Variants in BTBD9 observed in about 807,000 individuals in gnomAD.
BTBD9 encodes the protein BTB domain containing 9.
A neutral mutation model predicts 64.3 loss-of-function variants in BTBD9; 49 were observed. The observed-to-expected ratio is 0.76, with a 90% CI of 0.61 to 0.97. The LOEUF is 0.97. Among genes scored for constraint, BTBD9 ranks in the 50% least tolerant of loss-of-function variants. The pLI, the probability that BTBD9 is intolerant of heterozygous loss-of-function variation, is 0.00. For missense variants in BTBD9, 598 were observed against 762.1 expected, an observed-to-expected ratio of 0.78 and a Z score of 2.53; for synonymous variants, 260 against 274.7, an observed-to-expected ratio of 0.95 and a Z score of 0.53.
Position 38,291,658 on chromosome 6 carries a change from AT to A in BTBD9, c.1265-3198del, listed in dbSNP as rs530544576. On this transcript the variant is annotated intron_variant, in intron 7 of 10. Transcript: ENST00000481247. ...CATAAATAGCTCTTATTATTTTGAG[AT>A]ACGTTCCATCAATACCTAGTTTACT... is the stretch of plus-strand genomic sequence containing the variant. Among the ~76,000 whole-genome samples the A allele has an allele frequency of 1.8e-3, 276 of 152,286 alleles. 4 individuals are homozygous for A. The highest frequency in any genetic ancestry group is 0.017 in the Admixed American group (253 of 15,286).
chr6:38,212,300 GA>G (rs753309462), intron 9 of BTBD9, among the ~76,000 whole-genome samples: 3 of 152,190 alleles, frequency 2.0e-5, no homozygotes, highest in Non-Finnish European at 4.4e-5. Flanking sequence ...GGTCTGTGCT[GA>G]GGGGCCTGCC....
Position 38,606,198 on chromosome 6 carries a change from G to A in BTBD9, c.-27-8077C>T, listed in dbSNP as rs144939159. On this transcript the variant is annotated intron_variant, in intron 1 of 10. Transcript: ENST00000481247. ...CCCTACTTTTGAAGTTTTCAGACTC[G>A]GACTGGCTTCCTTGCTCCTCAGCTT... 2.7e-3 allele frequency among the ~76,000 whole-genome samples: 407 copies of A among 152,146 alleles called. 8 individuals carry two copies. Among genetic ancestry groups the A allele is most frequent in the African/African-American group, 9.0e-3 (375 of 41,506 alleles).
chr6:38,565,821 A>G (rs1194100620), intron 6 of BTBD9: 1 of 152,232 alleles, frequency 6.6e-6, no homozygotes, highest in Non-Finnish European at 1.5e-5. Flanking sequence ...ACAAATGGGC[A>G]AAGACTACAT....
intron 6 of BTBD9, among the ~76,000 whole-genome samples, chr6:38,368,351 G>A (rs547895019): frequency 6.6e-6 from 1 of 152,080 alleles, no homozygotes; most frequent in East Asian, 1.9e-4. Context: ...TTAGGGGGCG[G>A]GGGAATGGAG....
At chr6:38,378,067 A>G (rs987855242) in intron 6 of BTBD9, among the ~76,000 whole-genome samples, 4 of 151,970 alleles carry the variant, frequency 2.6e-5, no homozygotes, top group Admixed American at 2.0e-4. Flanking sequence ...TGAACTTCCG[A>G]ACTTCCCATG....
intron 6 of BTBD9, among the ~76,000 whole-genome samples, chr6:38,440,537 A>AT (rs531165430): frequency 1.4e-3 from 218 of 152,304 alleles, no homozygotes; most frequent in African/African-American, 5.1e-3. Context: ...AGGTTTCAGA[A>AT]AGAACACAAC....
chr6:38,556,945 G>A (rs2127453211), intron 6 of BTBD9, among the ~76,000 whole-genome samples: 1 of 145,486 alleles, frequency 6.9e-6, no homozygotes, highest in East Asian at 2.1e-4. Flanking sequence ...CCTGGGAGGT[G>A]GTGGTTGCAG....
At chr6:38,279,144 G>T (rs1291586811) in intron 8 of BTBD9, among the ~76,000 whole-genome samples, 1 of 127,992 alleles carries the variant, frequency 7.8e-6, no homozygotes, top group Admixed American at 8.0e-5. Flanking sequence ...GAGGTAGACA[G>T]AGAGGAGAGG....
At chr6:38,179,836 GC>G in intron 10 of BTBD9, 1 of 456,792 alleles carries the variant, frequency 2.2e-6, no homozygotes, top group Non-Finnish European at 4.4e-6. Context: ...GTCAGGGCAG[GC>G]TACAGAGAGG....
chr6:38,546,080 T>C (rs930144180), intron 6 of BTBD9, among the ~76,000 whole-genome samples: 3 of 152,000 alleles, frequency 2.0e-5, no homozygotes, highest in African/African-American at 7.3e-5. Context: ...GCCCCTAGGA[T>C]TTGCTGATGG....
At chr6:38,413,297 A>T (rs1465226482) in intron 6 of BTBD9, among the ~76,000 whole-genome samples, 1 of 152,216 alleles carries the variant, frequency 6.6e-6, no homozygotes, top group East Asian at 1.9e-4. Flanking sequence ...ACTGGAGAAC[A>T]TATGCTTATA....
At chr6:38,472,250 T>C (rs945913421) in intron 6 of BTBD9, among the ~76,000 whole-genome samples, 2 of 152,160 alleles carry the variant, frequency 1.3e-5, no homozygotes, top group Non-Finnish European at 2.9e-5. Flanking sequence ...ATATATAACA[T>C]ATTTTTAGCA....
chr6:38,583,913 GAATAT>G (rs1776399473), intron 4 of BTBD9, among the ~76,000 whole-genome samples: 1 of 151,820 alleles, frequency 6.6e-6, no homozygotes, highest in South Asian at 2.1e-4. Flanking sequence ...ATTAAGTGAT[GAATAT>G]AATAGGAAGA....
intron 6 of BTBD9, among the ~76,000 whole-genome samples, chr6:38,560,054 T>C (rs1015073168): frequency 2.0e-5 from 3 of 152,010 alleles, no homozygotes; most frequent in Non-Finnish European, 4.4e-5. Context: ...TCAAAAGCAA[T>C]AGCAACAAAA....
At chr6:38,264,416 G>A (rs1313031637) in intron 8 of BTBD9, among the ~76,000 whole-genome samples, 1 of 152,136 alleles carries the variant, frequency 6.6e-6, no homozygotes, top group East Asian at 1.9e-4. Flanking sequence ...AGGGAGAGAG[G>A]TAAGGAGTTG....
chr6:38,236,935 G>C (rs79330845), intron 9 of BTBD9, among the ~76,000 whole-genome samples: 3,337 of 152,324 alleles, frequency 0.022, 58 homozygotes, highest in South Asian at 0.064. Flanking sequence ...AGAGATGGCT[G>C]TGCCAAATGA....
At chr6:38,473,787 A>AAAGAAAAATACTTGG (rs1266984838) in intron 6 of BTBD9, among the ~76,000 whole-genome samples, 1 of 152,240 alleles carries the variant, frequency 6.6e-6, no homozygotes, top group Non-Finnish European at 1.5e-5. Flanking sequence ...TAAGTGCTTG[A>AAAGAAAAATACTTGG]AAGAAAAATA....
At chr6:38,575,135 A>G (rs1436768677) in intron 6 of BTBD9, among the ~76,000 whole-genome samples, 2 of 152,244 alleles carry the variant, frequency 1.3e-5, no homozygotes, top group Non-Finnish European at 2.9e-5. Flanking sequence ...TTACCATTAC[A>G]GAGAATTTTC....
intron 8 of BTBD9, among the ~76,000 whole-genome samples, chr6:38,275,451 G>A (rs1765351762): frequency 6.6e-6 from 1 of 152,002 alleles, no homozygotes; most frequent in Non-Finnish European, 1.5e-5. Context: ...AGGACTTCAT[G>A]TCTAAAACAC....
Sources: gnomAD v4.1 joint callset for allele counts (sites outside exome capture counted in the v4.1 genomes callset) on GRCh38, gnomAD v4.1.1 for gene constraint, MANE v1.5 for transcripts, NCBI Gene and HGNC (gene_info 2026-07-23, HGNC 2026-07-21) for gene names.